IGDCC3: variants seen among roughly 807,000 people sequenced by gnomAD.
The protein encoded by IGDCC3 is immunoglobulin superfamily DCC subclass member 3.
A neutral mutation model predicts 72.0 loss-of-function variants in IGDCC3; 47 were observed. The ratio of observed to expected loss-of-function variants is 0.65; its 90% CI spans 0.52 to 0.83. The LOEUF (loss-of-function observed/expected upper bound fraction) is 0.83. Ranked by LOEUF, IGDCC3 falls within the 40% of genes least tolerant of loss-of-function variation. IGDCC3 has a pLI of 0.00. For missense variants in IGDCC3, 1,038 were observed against 1,091.3 expected (o/e 0.95, Z 0.69); for synonymous variants, 477 against 472.8 (o/e 1.01, Z -0.11).
intron 2 of IGDCC3, among the ~76,000 whole-genome samples, chr15:65,346,291 G>A (rs2091123175): frequency 6.6e-6 from 1 of 152,324 alleles, no homozygotes; most frequent in Admixed American, 6.5e-5. Context: ...CAGCAGATCT[G>A]AGCTGTGAAG....
chr15:65,346,560 G>T (rs112215297), intron 2 of IGDCC3, among the ~76,000 whole-genome samples: 1 of 151,878 alleles, frequency 6.6e-6, no homozygotes, highest in African/African-American at 2.4e-5. Flanking sequence ...AGGATCAAGC[G>T]ATTCTCCTAC....
chr15:65,359,475 G>A (rs994853603), intron 2 of IGDCC3, among the ~76,000 whole-genome samples: 2 of 152,098 alleles, frequency 1.3e-5, no homozygotes, highest in African/African-American at 2.4e-5. Context: ...TCCTGGGAGG[G>A]TGTCCCATCC....
intron 2 of IGDCC3, among the ~76,000 whole-genome samples, chr15:65,369,593 C>T (rs1246312329): frequency 6.6e-6 from 1 of 152,166 alleles, no homozygotes; most frequent in Non-Finnish European, 1.5e-5. Flanking sequence ...AATGGACAGG[C>T]AGATGTGTGT....
chr15:65,367,362 A>G (rs934360601), intron 2 of IGDCC3, among the ~76,000 whole-genome samples: 28 of 150,204 alleles, frequency 1.9e-4, no homozygotes, highest in African/African-American at 4.2e-4. Context: ...AAAAAAAAAA[A>G]AAAAGAAAAG....
At chr15:65,332,786 A>G (rs1195514829) in intron 6 of IGDCC3, among the ~76,000 whole-genome samples, 3 of 152,240 alleles carry the variant, frequency 2.0e-5, no homozygotes, top group African/African-American at 4.8e-5. Flanking sequence ...GGTTAGCGGC[A>G]GGGCCCCGCC....
chr15:65,334,757 G>T lies in IGDCC3; in HGVS notation c.794C>A (p.Pro265Gln). The T allele has an allele frequency of 1.3e-6, 2 of 1,596,532 alleles. No homozygotes were observed. Among genetic ancestry groups the T allele is most frequent in the Non-Finnish European group, 1.7e-6 (2 of 1,171,694 alleles). The change falls in exon 5 of 14, where the codon CCG becomes CAG. Residue 265 changes from proline to glutamine, a missense_variant. By Grantham distance (76) the Pro-to-Gln change is moderately conservative (BLOSUM62 -1). Coordinates refer to ENST00000327987, the MANE Select transcript of IGDCC3 (RefSeq NM_004884.4). ...GCGGCTCCAGGACACAATGGGGCGCGGGTTGCCCGTGGCGACACACTCAAG... is the reference window on the plus strand; with the variant it reads ...GCGGCTCCAGGACACAATGGGGCGCTGGTTGCCCGTGGCGACACACTCAAG... Reference protein sequence around the residue: ...AVLECVATGNPRPIVSWSRLD... With the variant: ...AVLECVATGNQRPIVSWSRLD...
chr15:65,338,639 C>T lies in IGDCC3; in HGVS notation c.410-2683G>A, dbSNP rs149238681. Among the ~76,000 whole-genome samples the T allele has an allele frequency of 4.0e-3, 611 of 152,304 alleles. 5 individuals are homozygous for T. Among genetic ancestry groups the T allele is most frequent in the African/African-American group, 0.014 (586 of 41,562 alleles). ...CTTCATCTGAGGCTCCTCCTTCCCT[C>T]CCTTCCTTATACCCTCTCTCAACTC... On this transcript the variant is annotated intron_variant, in intron 2 of 13. Coordinates refer to ENST00000327987, the MANE Select transcript of IGDCC3 (RefSeq NM_004884.4).
rs564083834 is a variant in IGDCC3, at chr15:65,350,294, C to G, written c.410-14338G>C. ...TACAGGCGCCTGCCACCATGCCTGGCTAATTTTTGTATTTGTAGTAGAGAC... is the reference window on the plus strand; with the variant it reads ...TACAGGCGCCTGCCACCATGCCTGGGTAATTTTTGTATTTGTAGTAGAGAC... On this transcript the variant is annotated intron_variant, in intron 2 of 13. Coordinates refer to ENST00000327987, the MANE Select transcript of IGDCC3 (RefSeq NM_004884.4). Among the ~76,000 whole-genome samples, 427 of 151,836 alleles carry G rather than the reference C, an allele frequency of 2.8e-3. 1 individual carries two copies. The highest frequency in any genetic ancestry group is 9.9e-3 in the African/African-American group (411 of 41,380).
intron 2 of IGDCC3, among the ~76,000 whole-genome samples, chr15:65,369,635 G>C (rs2091310964): frequency 6.6e-6 from 1 of 152,116 alleles, no homozygotes; most frequent in Admixed American, 6.5e-5. Context: ...ACTTCCTCAG[G>C]CCTCCCTCAG....
Position 65,329,870 on chromosome 15 carries a change from G to T in IGDCC3, c.1859-6C>A. 6.2e-7 allele frequency: 1 copy of T among 1,613,848 alleles called. No individual in the cohort carries two copies. Among genetic ancestry groups the T allele is most frequent in the Non-Finnish European group, 8.5e-7 (1 of 1,180,008 alleles). ...GTCACATGGTGGGCTCAAGGCTGGG[G>T]ACAGGGACGGGTTGGAGGCTTTGGC... On this transcript the variant is annotated splice_region_variant and splice_polypyrimidine_tract_variant and intron_variant, in intron 11 of 13. Transcript: ENST00000327987. This position sits in a 1 kb window ranked among gnomAD's most constrained non-coding sequence, Gnocchi z 4.1.
Position 65,375,341 on chromosome 15 carries a change from G to A in IGDCC3, c.165C>T (p.Pro55=), listed in dbSNP as rs142564267. The change falls in exon 2 of 14, where the codon CCC becomes CCT. Residue 55 remains proline, a synonymous_variant. Transcript: ENST00000327987. ...TGCAGTCCAGCACTATAGGCTGCCC[G>A]GGGACGGCAACATCATCACTTGGCT... is the stretch of plus-strand genomic sequence containing the variant. ...AVEPSDDVAV[P]GQPIVLDCRV... is the part of the protein sequence containing the mutation. 2.0e-5 allele frequency: 33 copies of A among 1,611,114 alleles called. No homozygotes were observed. Among genetic ancestry groups the A allele is most frequent in the African/African-American group, 1.2e-4 (9 of 74,860 alleles).
At position 65,372,162 on chromosome 15, in the gene IGDCC3, G is replaced by A. The variant is rs377532653; in HGVS notation, c.409+2935C>T. The stretch of plus-strand genomic sequence containing the variant: ...AATGAGGAGTGCGGTGCCGGCTCCC[G>A]TTACTCAGTGCTTCCTGCGTGCCAG... On this transcript the variant is annotated intron_variant, in intron 2 of 13. Transcript: ENST00000327987. 6.6e-5 allele frequency among the ~76,000 whole-genome samples: 10 copies of A among 152,280 alleles called. No individual in the cohort carries two copies. In the East Asian group the frequency reaches 1.2e-3, roughly 18 times the overall value.
At chr15:65,354,051 G>A (rs926951417) in intron 2 of IGDCC3, among the ~76,000 whole-genome samples, 12 of 152,184 alleles carry the variant, frequency 7.9e-5, no homozygotes, top group East Asian at 1.9e-4. Flanking sequence ...GATTACAGGC[G>A]CATGCCACCA....
intron 2 of IGDCC3, among the ~76,000 whole-genome samples, chr15:65,368,455 C>T (rs1426117917): frequency 1.3e-5 from 2 of 152,168 alleles, no homozygotes; most frequent in Non-Finnish European, 2.9e-5. Flanking sequence ...GGCCAGCTGG[C>T]TGCCTGTGAC....
chr15:65,374,933 C>T (rs1333644169), intron 2 of IGDCC3, among the ~76,000 whole-genome samples, 164 bp downstream of exon 2: 1 of 152,200 alleles, frequency 6.6e-6, no homozygotes, highest in Non-Finnish European at 1.5e-5. Context: ...TATAATTCCA[C>T]CGCCACGAAT....
At chr15:65,341,599 C>T (rs533769945) in intron 2 of IGDCC3, among the ~76,000 whole-genome samples, 19 of 152,314 alleles carry the variant, frequency 1.2e-4, no homozygotes, top group Admixed American at 8.5e-4. Flanking sequence ...CACTATGCTA[C>T]GTGAGATAAG....
At chr15:65,358,104 A>ATT (rs35238946) in intron 2 of IGDCC3, among the ~76,000 whole-genome samples, 6 of 139,882 alleles carry the variant, frequency 4.3e-5, no homozygotes, top group Middle Eastern at 3.7e-3. Context: ...TCCAAGACAT[A>ATT]TTTTTTTTTT....
intron 2 of IGDCC3, among the ~76,000 whole-genome samples, chr15:65,343,150 A>G (rs1381981771): frequency 6.6e-6 from 1 of 152,156 alleles, no homozygotes; most frequent in Non-Finnish European, 1.5e-5. Context: ...ATGTTCGTAA[A>G]CTGCTTAGCG....
Position 65,329,291 on chromosome 15 carries a change from C to A in IGDCC3, c.2205+99G>T. On this transcript the variant is annotated intron_variant, in intron 13 of 13. Coordinates refer to ENST00000327987, the MANE Select transcript of IGDCC3 (RefSeq NM_004884.4). This position sits in a 1 kb window ranked among gnomAD's most constrained non-coding sequence, Gnocchi z 4.1. Reference sequence around the variant, plus strand: ...AGAAGACCTGCAGTTTGACTAAGGCCAATGATCGAGGCCCGTGGCCAAGGT... The same window carrying A: ...AGAAGACCTGCAGTTTGACTAAGGCAAATGATCGAGGCCCGTGGCCAAGGT... 1 of 1,476,504 alleles carries A rather than the reference C, an allele frequency of 6.8e-7. No homozygotes were observed. Among genetic ancestry groups the A allele is most frequent in the South Asian group, 1.3e-5 (1 of 76,446 alleles). The allele number at this position is 1,476,504 out of a possible 1,614,324, so 91.5% of individuals were successfully genotyped here. A position where few individuals can be genotyped will look rare whatever the true frequency, so the allele number is the denominator to read the frequency against.
Sources: gnomAD v4.1 joint callset for allele counts (sites outside exome capture counted in the v4.1 genomes callset) on GRCh38, gnomAD v4.1.1 for gene constraint, Gnocchi (gnomAD v3.1) non-coding constraint, MANE v1.5 for transcripts, NCBI Gene and HGNC (gene_info 2026-07-23, HGNC 2026-07-21) for gene names.